The following PCSK5 variants were observed in gnomAD, a reference collection of about 807,000 sequenced individuals.
The protein encoded by PCSK5 is prohormone convertase 5.
A neutral mutation model predicts 233.2 loss-of-function variants in PCSK5; 129 were observed. The ratio of observed to expected loss-of-function variants is 0.55; its 90% CI spans 0.48 to 0.64. The LOEUF is 0.64. Among genes scored for constraint, PCSK5 ranks in the 30% least tolerant of loss-of-function variants. The probability of loss-of-function intolerance (pLI) is 0.00; values close to 1 mark genes in which losing one functional copy is unlikely to be tolerated. For missense variants in PCSK5, 2,076 were observed against 2,430.1 expected (o/e 0.85, Z 3.06); for synonymous variants, 825 against 879.2 (o/e 0.94, Z 1.09).
intron 7 of PCSK5, among the ~76,000 whole-genome samples, chr9:76,086,034 G>T (rs1831049593): frequency 6.6e-6 from 1 of 152,122 alleles, no homozygotes; most frequent in South Asian, 2.1e-4. Context: ...ATTTAAAGGT[G>T]ATACACATTT....
intron 5 of PCSK5, among the ~76,000 whole-genome samples, chr9:76,058,662 A>G (rs1051800646): frequency 6.6e-6 from 1 of 152,198 alleles, no homozygotes; most frequent in Non-Finnish European, 1.5e-5. Context: ...TGGAAAATTC[A>G]TCAGCTACAT....
intron 5 of PCSK5, among the ~76,000 whole-genome samples, chr9:76,037,352 AGTTT>A (rs139081892): frequency 8.5e-5 from 13 of 152,090 alleles, no homozygotes; most frequent in East Asian, 7.7e-4. Flanking sequence ...TGTATTGACA[AGTTT>A]GTTTGTTTGT....
rs767379232 is a variant in PCSK5 at position 76,332,481 on chromosome 9, A to T, written c.4619A>T (p.Asp1540Val). Residue 1540 changes from aspartate to valine, a missense_variant, in exon 34 of 38, where the codon GAC becomes GTC. Physicochemically the swap from Asp to Val is radical, Grantham distance 152 (BLOSUM62 -3). This residue lies in a region of PCSK5 where 1,510 missense variants were observed against 1,538.1 expected (regional missense o/e 0.98). Coordinates refer to ENST00000674117, the MANE Select transcript of PCSK5 (RefSeq NM_001372043.1). The stretch of plus-strand genomic sequence containing the variant: ...CCAGAGGGCTATTATGCCGATGAGG[A>T]CAGCAACCGGTGTGCCCACTGCCAC... ...DCPEGYYADE[D>V]SNRCAHCHSS... 1 of 1,612,644 alleles carries T rather than the reference A, an allele frequency of 6.2e-7. No homozygotes were observed. The highest frequency in any genetic ancestry group is 8.5e-7 in the Non-Finnish European group (1 of 1,179,674).
chr9:75,891,458 C>T, intron 1 of PCSK5, 85 bp downstream of exon 1: 3 of 1,112,780 alleles, frequency 2.7e-6, no homozygotes, highest in South Asian at 1.5e-5. Context: ...CCCTCCCCCT[C>T]TTCCAGATGT....
At chr9:75,954,079 TA>T (rs970627557) in intron 2 of PCSK5, among the ~76,000 whole-genome samples, 16 of 152,202 alleles carry the variant, frequency 1.1e-4, no homozygotes, top group Non-Finnish European at 2.9e-5. Flanking sequence ...GCCATCTGAA[TA>T]GGTTAATAAT....
chr9:75,999,009 C>T (rs2131422154), intron 3 of PCSK5, among the ~76,000 whole-genome samples: 1 of 152,244 alleles, frequency 6.6e-6, no homozygotes, highest in Middle Eastern at 3.4e-3. Context: ...GAGTCAGGCT[C>T]CAAATAAGGC....
At chr9:75,890,596 G>C (rs1825541561), upstream of PCSK5, 1 of 153,016 alleles carries the variant, frequency 6.5e-6, no homozygotes, top group South Asian at 2.1e-4. Flanking sequence ...AGGGAGAGGA[G>C]GAGGGCGATG....
chr9:76,203,186 C>T (rs1219251375), intron 20 of PCSK5, among the ~76,000 whole-genome samples: 2 of 152,028 alleles, frequency 1.3e-5, no homozygotes, highest in Admixed American at 6.6e-5. Flanking sequence ...ACAGAGTTTC[C>T]ATCACTGGTC....
At chr9:76,288,317 G>T (rs1027224093) in intron 24 of PCSK5, among the ~76,000 whole-genome samples, 3 of 152,152 alleles carry the variant, frequency 2.0e-5, no homozygotes, top group Non-Finnish European at 4.4e-5. Flanking sequence ...CCAGGGCTTT[G>T]GTAGCCTGAG....
chr9:75,962,680 T>A (rs1457053942), intron 2 of PCSK5, among the ~76,000 whole-genome samples: 1 of 152,182 alleles, frequency 6.6e-6, no homozygotes, highest in East Asian at 1.9e-4. Context: ...TGGAAGCTGA[T>A]CGAGAACCAG....
chr9:75,978,117 G>A (rs1826108762), intron 2 of PCSK5, among the ~76,000 whole-genome samples: 1 of 151,808 alleles, frequency 6.6e-6, no homozygotes, highest in Non-Finnish European at 1.5e-5. Flanking sequence ...TAAATTTTTG[G>A]CTCCTTTTTT....
In PCSK5 at chr9:76,233,487, G is replaced by A. The variant is rs181553271; in HGVS notation, c.2757G>A (p.Ser919=). The stretch of plus-strand genomic sequence containing the variant: ...TTTTTGATGATGGCCGCTGTGTTTC[G>A]AACTGCCCCTCATGGAAATTTGAAT... ...TRIFDDGRCV[S]NCPSWKFEFE... Residue 919 remains serine, a synonymous_variant, in exon 22 of 38, where the codon TCG becomes TCA. Transcript: ENST00000674117. 1.3e-4 allele frequency: 211 copies of A among 1,612,674 alleles called. No individual in the cohort carries two copies. Among genetic ancestry groups the A allele is most frequent in the Non-Finnish European group, 1.7e-4 (198 of 1,179,812 alleles).
At chr9:75,934,416 A>G (rs1195900193) in intron 2 of PCSK5, among the ~76,000 whole-genome samples, 1 of 151,954 alleles carries the variant, frequency 6.6e-6, no homozygotes, top group Non-Finnish European at 1.5e-5. Flanking sequence ...TCGAGCCCCT[A>G]GCATATGCCA....
chr9:76,249,340 C>G (rs1175702625), intron 24 of PCSK5, among the ~76,000 whole-genome samples: 1 of 151,776 alleles, frequency 6.6e-6, no homozygotes, highest in African/African-American at 2.4e-5. Context: ...CAAGATAAAT[C>G]AAGAATGTGG....
intron 1 of PCSK5, among the ~76,000 whole-genome samples, chr9:75,906,433 G>A (rs1025810879): frequency 2.0e-5 from 3 of 152,094 alleles, no homozygotes; most frequent in East Asian, 3.9e-4. Flanking sequence ...CTCTATGTTG[G>A]TCAGGCTGGT....
chr9:76,209,869 T>C (rs1825265631), intron 20 of PCSK5, among the ~76,000 whole-genome samples: 1 of 152,096 alleles, frequency 6.6e-6, no homozygotes, highest in Non-Finnish European at 1.5e-5. Flanking sequence ...AAGAATTAAT[T>C]CAGCTGCATA....
At chr9:76,331,886 A>G (rs1240918232) in intron 33 of PCSK5, among the ~76,000 whole-genome samples, 1 of 152,186 alleles carries the variant, frequency 6.6e-6, no homozygotes, top group Non-Finnish European at 1.5e-5. Flanking sequence ...CTGTGGATCT[A>G]TTTTGGACTT....
chr9:75,902,214 T>TAAAAAAAAAAAAAAAAAAA (rs200579439), intron 1 of PCSK5, among the ~76,000 whole-genome samples: 8 of 53,290 alleles, frequency 1.5e-4, no homozygotes, highest in African/African-American at 3.2e-4. Context: ...AGACACCATC[T>TAAAAAAAAAAAAAAAAAAA]AAAAAAAAAA....
At chr9:76,267,873 A>G (rs1401396804) in intron 24 of PCSK5, among the ~76,000 whole-genome samples, 1 of 152,106 alleles carries the variant, frequency 6.6e-6, no homozygotes, top group Non-Finnish European at 1.5e-5. Context: ...AAAGTCTCCC[A>G]AAGTTGAAGA....
Sources: gnomAD v4.1 joint callset for allele counts (sites outside exome capture counted in the v4.1 genomes callset) on GRCh38, gnomAD v4.1.1 for gene constraint, gnomAD v4.1.1 regional missense constraint, MANE v1.5 for transcripts, NCBI Gene and HGNC (gene_info 2026-07-23, HGNC 2026-07-21) for gene names.